Variants in MTUS1 observed in about 807,000 individuals in gnomAD.
MTUS1 encodes the protein microtubule-associated tumor suppressor 1.
A neutral mutation model predicts 120.8 loss-of-function variants in MTUS1; 109 were observed. The observed-to-expected ratio is 0.90, with a 90% confidence interval of 0.77 to 1.06. The LOEUF is 1.06. Ranked by LOEUF, MTUS1 falls within the 50% of genes least tolerant of loss-of-function variation. MTUS1 has a pLI of 0.00. For missense variants in MTUS1, 2,210 were observed against 1,486.3 expected, an observed-to-expected ratio of 1.49 and a Z score of -8.01; for synonymous variants, 737 against 550.5, an observed-to-expected ratio of 1.34 and a Z score of -4.74.
At chr8:17,660,922 G>A (rs17125027) in intron 8 of MTUS1, among the ~76,000 whole-genome samples, 2,837 of 152,250 alleles carry the variant, frequency 0.019, 76 homozygotes, top group African/African-American at 0.063. Flanking sequence ...AAAGACAGAC[G>A]GAGGCCAGAT....
rs978427025 is a variant in MTUS1, at chr8:17,676,216, C to A, written c.2839-964G>T. On this transcript the variant is annotated intron_variant, in intron 7 of 14. Coordinates refer to ENST00000693296, the MANE Select transcript of MTUS1 (RefSeq NM_001363059.2). The stretch of plus-strand genomic sequence containing the variant: ...CAAAGCATTTTCCCTGAATTCCAGA[C>A]AGCCTCTGCAGTAGTCCTGACATTC... 1.1e-5 allele frequency: 8 copies of A among 701,872 alleles called. No homozygotes were observed. The African/African-American group carries it at 1.2e-4, about 11-fold the overall frequency. The allele number at this position is 701,872 out of a possible 1,614,324, so 43.5% of individuals were successfully genotyped here.
intron 6 of MTUS1, chr8:17,697,611 C>T (rs1174246235): frequency 7.8e-7 from 1 of 1,288,878 alleles, no homozygotes; most frequent in Non-Finnish European, 9.9e-7. Flanking sequence ...GATGCTCTTC[C>T]TCTGAATACA....
rs755264238 is a variant in MTUS1, at chr8:17,753,875, T to G, written c.1933A>C (p.Met645Leu). 6.2e-7 allele frequency: 1 copy of G among 1,614,142 alleles called. No homozygotes were observed. Among genetic ancestry groups the G allele is most frequent in the South Asian group, 1.1e-5 (1 of 91,080 alleles). Residue 645 changes from methionine (M) to leucine (L), a missense_variant, in exon 2 of 15, where the codon ATG (methionine) becomes CTG (leucine). Physicochemically the swap from Met to Leu is conservative, Grantham distance 15. Transcript: ENST00000693296. Reference protein sequence around the residue: ...QKIKGILPVKMESAECLEMTY... With the variant: ...QKIKGILPVKLESAECLEMTY... The stretch of plus-strand genomic sequence containing the variant: ...ATTTCCAAACATTCTGCACTTTCCA[T>G]TTTAACAGGGAGTATGCCTTTGATC...
In MTUS1 at chr8:17,723,806, T is replaced by A. The variant is rs760398187; in HGVS notation, c.2315A>T (p.Gln772Leu). The change falls in exon 4 of 15, where the codon CAG (glutamine) becomes CTG (leucine). Residue 772 changes from glutamine (Q) to leucine (L), a missense_variant. Physicochemically the swap from Gln to Leu is moderately radical, Grantham distance 113. Transcript: ENST00000693296. ...TCTAGGCAAATTCACCCATGACGAC[T>A]GTGCAGTTTTCAAGGATGTAGGCTT... ...SGKPTSLKTA[Q>L]SSWVNLPRPL... 8 of 1,597,526 alleles carry A rather than the reference T, an allele frequency of 5.0e-6. 1 individual carries two copies. The highest frequency in any genetic ancestry group is 3.5e-5 in the Admixed American group (2 of 57,066).
chr8:17,704,928 T>C (rs1330078957), intron 6 of MTUS1, among the ~76,000 whole-genome samples: 1 of 152,220 alleles, frequency 6.6e-6, no homozygotes, highest in Non-Finnish European at 1.5e-5. Context: ...ACAGAGTATG[T>C]GCTAATATAA....
At chr8:17,664,682 A>G (rs1180957763) in intron 8 of MTUS1, among the ~76,000 whole-genome samples, 1 of 152,084 alleles carries the variant, frequency 6.6e-6, no homozygotes, top group African/African-American at 2.4e-5. Context: ...CAGAAGCAGG[A>G]GGGGACACTA....
intron 3 of MTUS1, among the ~76,000 whole-genome samples, chr8:17,724,737 C>T (rs2046099524): frequency 6.6e-6 from 1 of 152,138 alleles, no homozygotes; most frequent in Non-Finnish European, 1.5e-5. Flanking sequence ...CTCCTCATGC[C>T]CATTCTCTTG....
At chr8:17,678,692 A>G (rs1813620650) in intron 7 of MTUS1, among the ~76,000 whole-genome samples, 1 of 150,824 alleles carries the variant, frequency 6.6e-6, no homozygotes, top group African/African-American at 2.4e-5. Context: ...CTTTACTGCT[A>G]GTGCCATTCA....
At chr8:17,759,668 A>G (rs937404912) in intron 1 of MTUS1, among the ~76,000 whole-genome samples, 6 of 148,612 alleles carry the variant, frequency 4.0e-5, no homozygotes, top group African/African-American at 1.5e-4. Context: ...TAAAATATAT[A>G]TATTATATAC....
intron 8 of MTUS1, among the ~76,000 whole-genome samples, chr8:17,658,307 T>A (rs1310919120): frequency 6.6e-6 from 1 of 152,180 alleles, no homozygotes; most frequent in Non-Finnish European, 1.5e-5. Context: ...TAATATATTT[T>A]AAAAGGGCAA....
intron 6 of MTUS1, among the ~76,000 whole-genome samples, chr8:17,690,311 A>C (rs1203895651): frequency 6.6e-6 from 1 of 152,244 alleles, no homozygotes; most frequent in East Asian, 1.9e-4. Flanking sequence ...CATCAGAGAA[A>C]TGCAAATGAA....
intron 2 of MTUS1, among the ~76,000 whole-genome samples, chr8:17,746,827 T>C (rs1327646918): frequency 6.6e-6 from 1 of 152,234 alleles, no homozygotes; most frequent in East Asian, 1.9e-4. Flanking sequence ...GTAGGTTTAT[T>C]GTACCCCATT....
chr8:17,785,102 T>C (rs923630019), intron 1 of MTUS1, among the ~76,000 whole-genome samples: 1 of 149,616 alleles, frequency 6.7e-6, no homozygotes, highest in Non-Finnish European at 1.5e-5. Flanking sequence ...AGAACTTTTA[T>C]TCATGCAACA....
In MTUS1 at chr8:17,776,913, T is replaced by A. The variant is rs1005272683; in HGVS notation, c.-154-20952A>T. Among the ~76,000 whole-genome samples, 3 of 152,230 alleles carry A rather than the reference T, an allele frequency of 2.0e-5. No individual in the cohort carries two copies. The South Asian group carries it at 6.2e-4, about 32-fold the overall frequency. On this transcript the variant is annotated intron_variant, in intron 1 of 14. Coordinates refer to ENST00000693296, the MANE Select transcript of MTUS1 (RefSeq NM_001363059.2). ...CTCCTCTTTTAAGACCTAATTGTAA[T>A]TGCGCTTTCGGAGAGCAATTTCAAC...
intron 1 of MTUS1, among the ~76,000 whole-genome samples, chr8:17,767,903 T>C (rs1478406271): frequency 6.6e-6 from 1 of 152,048 alleles, no homozygotes; most frequent in Admixed American, 6.6e-5. Context: ...GAAGATGTCC[T>C]AGTGAGGAGA....
At chr8:17,745,352 C>G (rs974149889) in intron 2 of MTUS1, among the ~76,000 whole-genome samples, 4 of 152,156 alleles carry the variant, frequency 2.6e-5, no homozygotes, top group Non-Finnish European at 5.9e-5. Flanking sequence ...ATCATCTCCA[C>G]GATCATTACT....
intron 13 of MTUS1, among the ~76,000 whole-genome samples, chr8:17,649,167 G>C (rs1294392900): frequency 2.6e-5 from 4 of 151,868 alleles, no homozygotes; most frequent in African/African-American, 9.7e-5. Flanking sequence ...CACCTCAATG[G>C]AACCTCCACC....
intron 1 of MTUS1, among the ~76,000 whole-genome samples, chr8:17,771,346 T>C (rs1231467623): frequency 6.6e-6 from 1 of 152,244 alleles, no homozygotes; most frequent in Non-Finnish European, 1.5e-5. Context: ...TAAATATTTG[T>C]AATTACTTTT....
At chr8:17,674,501 G>C (rs1050933502) in intron 8 of MTUS1, 2 of 985,190 alleles carry the variant, frequency 2.0e-6, no homozygotes, top group African/African-American at 3.5e-5. Flanking sequence ...AACCCTAAGG[G>C]CTTCCAGGAG....
Sources: allele counts gnomAD v4.1 joint callset (sites outside exome capture counted in the v4.1 genomes callset), GRCh38; gene constraint gnomAD v4.1.1; transcripts MANE v1.5; gene names NCBI Gene and HGNC (gene_info 2026-07-23, HGNC 2026-07-21).